GRM7: variants seen among roughly 807,000 people sequenced by gnomAD.
GRM7 encodes the protein metabotropic glutamate receptor 7.
GRM7 carries 35 observed loss-of-function variants against 84.5 expected under a neutral mutation model. The ratio of observed to expected loss-of-function variants is 0.41; its 90% CI spans 0.32 to 0.55. GRM7 has a LOEUF of 0.55. Ranked by LOEUF, GRM7 falls within the 20% of genes least tolerant of loss-of-function variation. The pLI is 0.19. For missense variants in GRM7, 1,003 were observed against 1,194.6 expected (o/e 0.84, Z 2.36); for synonymous variants, 487 against 455.1 (o/e 1.07, Z -0.89).
chr3:7,564,915 G>A (rs1694191835), intron 7 of GRM7, among the ~76,000 whole-genome samples: 1 of 152,088 alleles, frequency 6.6e-6, no homozygotes, highest in African/African-American at 2.4e-5. Context: ...AGAGAAGTCA[G>A]GGACTACTGA....
At chr3:7,467,514 C>A (rs1698510973) in intron 7 of GRM7, among the ~76,000 whole-genome samples, 1 of 152,152 alleles carries the variant, frequency 6.6e-6, no homozygotes, top group Non-Finnish European at 1.5e-5. Context: ...CTACGTCTCC[C>A]TAATCAAGAC....
At chr3:7,594,300 C>T (rs1176567905) in intron 8 of GRM7, among the ~76,000 whole-genome samples, 3 of 152,104 alleles carry the variant, frequency 2.0e-5, no homozygotes, top group Non-Finnish European at 4.4e-5. Context: ...AAATGTAGGT[C>T]CATGCAGATT....
At chr3:7,457,989 G>T (rs1039900882) in intron 6 of GRM7, among the ~76,000 whole-genome samples, 18 of 152,174 alleles carry the variant, frequency 1.2e-4, no homozygotes, top group African/African-American at 4.3e-4. Flanking sequence ...TATTCAGAGT[G>T]GTTTCTTGGG....
At chr3:6,895,475 C>G (rs1187942036) in intron 1 of GRM7, among the ~76,000 whole-genome samples, 1 of 152,076 alleles carries the variant, frequency 6.6e-6, no homozygotes, top group Non-Finnish European at 1.5e-5. Flanking sequence ...TTATTTTTTT[C>G]TTCAACTTTA....
chr3:7,207,535 T>C (rs1030246726), intron 2 of GRM7, among the ~76,000 whole-genome samples: 10 of 152,164 alleles, frequency 6.6e-5, no homozygotes, highest in Non-Finnish European at 1.3e-4. Context: ...AATAGCATGA[T>C]ATAATACCCT....
chr3:7,623,233 G>A (rs931310446), intron 8 of GRM7, among the ~76,000 whole-genome samples: 6 of 152,136 alleles, frequency 3.9e-5, no homozygotes, highest in Non-Finnish European at 2.9e-5. Flanking sequence ...GAGGGATGGA[G>A]ACTGAAGGAT....
chr3:7,593,205 A>G (rs1396567501), intron 8 of GRM7, among the ~76,000 whole-genome samples: 1 of 152,200 alleles, frequency 6.6e-6, no homozygotes. Context: ...GTTAAAGTAC[A>G]GTTTTATCAG....
intron 4 of GRM7, among the ~76,000 whole-genome samples, chr3:7,313,278 G>A (rs1483477629): frequency 6.6e-6 from 1 of 152,032 alleles, no homozygotes; most frequent in Non-Finnish European, 1.5e-5. Context: ...ACTTGGAGCT[G>A]CTATAGCCAT....
At chr3:7,587,762 C>T (rs1338029076) in intron 8 of GRM7, among the ~76,000 whole-genome samples, 1 of 152,162 alleles carries the variant, frequency 6.6e-6, no homozygotes, top group African/African-American at 2.4e-5. Flanking sequence ...TTTAAATGGA[C>T]TTTCCTAATG....
At chr3:6,958,583 C>T (rs900299903) in intron 1 of GRM7, among the ~76,000 whole-genome samples, 1 of 152,066 alleles carries the variant, frequency 6.6e-6, no homozygotes, top group African/African-American at 2.4e-5. Flanking sequence ...TTTTCTAAGA[C>T]ATTTGGTCAT....
intron 9 of GRM7, among the ~76,000 whole-genome samples, chr3:7,717,650 T>C (rs1701810785): frequency 2.0e-5 from 1 of 50,658 alleles, no homozygotes; most frequent in African/African-American, 1.0e-4. Context: ...TTGATATCTG[T>C]TGGCAACCTC....
intron 4 of GRM7, among the ~76,000 whole-genome samples, chr3:7,308,291 G>A (rs146306360): frequency 0.011 from 1,619 of 152,114 alleles, 19 homozygotes; most frequent in Admixed American, 0.022. Flanking sequence ...GGAGCCATCT[G>A]TGGCCATCTC....
chr3:7,030,178 A>T (rs1246789255), intron 1 of GRM7, among the ~76,000 whole-genome samples: 1 of 152,238 alleles, frequency 6.6e-6, no homozygotes, highest in Non-Finnish European at 1.5e-5. Flanking sequence ...TGAATGAAAA[A>T]AATACAAATG....
At chr3:7,037,244 A>G (rs1421530384) in intron 1 of GRM7, among the ~76,000 whole-genome samples, 1 of 152,216 alleles carries the variant, frequency 6.6e-6, no homozygotes, top group Non-Finnish European at 1.5e-5. Flanking sequence ...TCAGTTTGAA[A>G]GAAATACACA....
At chr3:6,993,553 T>A (rs1056162007) in intron 1 of GRM7, among the ~76,000 whole-genome samples, 5 of 152,214 alleles carry the variant, frequency 3.3e-5, no homozygotes, top group African/African-American at 1.2e-4. Context: ...GGGTGGCTTG[T>A]ACTGTAGTTG....
intron 1 of GRM7, among the ~76,000 whole-genome samples, chr3:6,996,207 C>G (rs1214705936): frequency 6.6e-6 from 1 of 152,070 alleles, no homozygotes; most frequent in Non-Finnish European, 1.5e-5. Context: ...CGCCACCAAG[C>G]CTGGCTCAAT....
At chr3:7,485,624 A>C (rs958581514) in intron 7 of GRM7, among the ~76,000 whole-genome samples, 2 of 152,252 alleles carry the variant, frequency 1.3e-5, no homozygotes, top group African/African-American at 2.4e-5. Flanking sequence ...ATAAACATCA[A>C]ATCCTCCCAA....
At chr3:7,467,127 G>A (rs1032421188) in intron 7 of GRM7, among the ~76,000 whole-genome samples, 4 of 152,014 alleles carry the variant, frequency 2.6e-5, no homozygotes, top group Non-Finnish European at 5.9e-5. Flanking sequence ...TCGCTCTGTC[G>A]CCCGGGCTGG....
intron 2 of GRM7, among the ~76,000 whole-genome samples, chr3:7,249,952 A>G (rs950680101): frequency 4.6e-5 from 7 of 152,184 alleles, no homozygotes; most frequent in African/African-American, 1.7e-4. Flanking sequence ...TGGGAAGGGA[A>G]GAGAATACAC....
Sources: allele counts gnomAD v4.1 joint callset (sites outside exome capture counted in the v4.1 genomes callset), GRCh38; gene constraint gnomAD v4.1.1; transcripts MANE v1.5; gene names NCBI Gene and HGNC (gene_info 2026-07-23, HGNC 2026-07-21).